Variants in GRM8 observed in about 807,000 individuals in gnomAD.
GRM8 encodes metabotropic glutamate receptor 8.
A neutral mutation model predicts 87.2 loss-of-function variants in GRM8; 47 were observed. That is an observed-to-expected ratio of 0.54 (90% CI 0.43 to 0.69). The LOEUF is 0.69. Among genes scored for constraint, GRM8 ranks in the 30% least tolerant of loss-of-function variants. The probability of loss-of-function intolerance (pLI) is 0.00; values close to 1 mark genes in which losing one functional copy is unlikely to be tolerated. For synonymous variants in GRM8, 396 were observed against 404.5 expected (o/e 0.98, Z 0.25); for missense variants, 1,019 against 1,139.2 (o/e 0.89, Z 1.52).
chr7:127,018,862 C>T (rs892017307), intron 3 of GRM8, among the ~76,000 whole-genome samples: 2 of 151,930 alleles, frequency 1.3e-5, no homozygotes, highest in Admixed American at 6.6e-5. Flanking sequence ...GAAAAACAGA[C>T]GACACTAGAG....
chr7:126,619,109 G>T (rs1375333040), intron 7 of GRM8, among the ~76,000 whole-genome samples: 1 of 152,190 alleles, frequency 6.6e-6, no homozygotes, highest in Non-Finnish European at 1.5e-5. Context: ...CAGTAGCAAA[G>T]ACTTGGAACT....
chr7:127,078,329 T>C (rs188162688), intron 3 of GRM8, among the ~76,000 whole-genome samples: 1 of 152,336 alleles, frequency 6.6e-6, no homozygotes, highest in East Asian at 1.9e-4. Context: ...TGTTAGACCA[T>C]AGCCGCTTAG....
intron 6 of GRM8, among the ~76,000 whole-genome samples, chr7:126,894,428 C>A (rs1324551793): frequency 1.3e-5 from 2 of 152,030 alleles, no homozygotes; most frequent in Non-Finnish European, 2.9e-5. Flanking sequence ...ATAATGCCAG[C>A]TTCTGTTGTG....
Position 126,999,361 on chromosome 7 carries a change from A to G in GRM8, c.728-94678T>C, listed in dbSNP as rs111414857. 8.3e-3 allele frequency among the ~76,000 whole-genome samples: 1,265 copies of G among 152,048 alleles called. 6 individuals carry two copies. The highest frequency in any genetic ancestry group is 0.014 in the Middle Eastern group (4 of 294). On this transcript the variant is annotated intron_variant, in intron 3 of 10. Transcript: ENST00000339582. ...ATTTTTTGAATAATACTGCACAAGC[A>G]CAGGCAACCAAAGCAAAAATGGGCA...
chr7:126,679,360 C>T (rs1306479383), intron 7 of GRM8, among the ~76,000 whole-genome samples: 6 of 152,162 alleles, frequency 3.9e-5, no homozygotes, highest in African/African-American at 1.4e-4. Context: ...CTAGAATTTC[C>T]TCTGATATAA....
At chr7:126,561,674 G>A (rs942538471) in intron 8 of GRM8, among the ~76,000 whole-genome samples, 2 of 151,038 alleles carry the variant, frequency 1.3e-5, no homozygotes, top group South Asian at 2.1e-4. Flanking sequence ...TGTGCACAAC[G>A]TGCAGGTTTG....
At chr7:126,604,510 C>T (rs1040848182) in intron 8 of GRM8, among the ~76,000 whole-genome samples, 3 of 152,094 alleles carry the variant, frequency 2.0e-5, no homozygotes, top group Non-Finnish European at 4.4e-5. Context: ...ATTATTATCA[C>T]ATTCGTTCAA....
chr7:126,677,796 T>A (rs961050745), intron 7 of GRM8, among the ~76,000 whole-genome samples: 3 of 152,184 alleles, frequency 2.0e-5, no homozygotes, highest in Non-Finnish European at 4.4e-5. Context: ...TTCACCACTA[T>A]ACAGTTCATC....
chr7:127,009,249 GA>G (rs956190910), intron 3 of GRM8, among the ~76,000 whole-genome samples: 7 of 152,040 alleles, frequency 4.6e-5, no homozygotes, highest in African/African-American at 1.7e-4. Flanking sequence ...AACATTAAGA[GA>G]ACCAGTCCAA....
chr7:127,160,535 G>GCGCGCA (rs1554603506), intron 2 of GRM8, among the ~76,000 whole-genome samples: 64 of 140,420 alleles, frequency 4.6e-4, no homozygotes, highest in African/African-American at 1.4e-3. Flanking sequence ...TCACGCGCGC[G>GCGCGCA]CACACACACA....
intron 2 of GRM8, among the ~76,000 whole-genome samples, chr7:127,153,272 T>C (rs1282073309): frequency 6.6e-6 from 1 of 152,116 alleles, no homozygotes; most frequent in African/African-American, 2.4e-5. Context: ...CCAAGTGCTA[T>C]ACCAAGCTAG....
chr7:126,956,876 A>C (rs1009196755), intron 3 of GRM8, among the ~76,000 whole-genome samples: 3 of 152,252 alleles, frequency 2.0e-5, no homozygotes, highest in Admixed American at 2.0e-4. Context: ...CTGATAATGG[A>C]ACATTTCACT....
At chr7:127,108,454 G>A (rs1457461947) in intron 2 of GRM8, among the ~76,000 whole-genome samples, 2 of 152,076 alleles carry the variant, frequency 1.3e-5, no homozygotes, top group Admixed American at 1.3e-4. Flanking sequence ...GTTGTGTGGG[G>A]GGAAGGGAAT....
rs532601196 is a variant in GRM8 at position 126,794,254 on chromosome 7, T to C, written c.1157-24189A>G. Among the ~76,000 whole-genome samples, 29 of 152,270 alleles carry C rather than the reference T, an allele frequency of 1.9e-4. No homozygotes were observed. The East Asian group carries it at 4.8e-3, about 25-fold the overall frequency. ...ACAATCTTGAAAAAAATCTGCCTAT[T>C]AACCTTGTGGAATGCATTCTCACAG... On this transcript the variant is annotated intron_variant, in intron 6 of 10. Transcript: ENST00000339582.
At chr7:126,653,495 AACT>A (rs1486486109) in intron 7 of GRM8, among the ~76,000 whole-genome samples, 14 of 152,332 alleles carry the variant, frequency 9.2e-5, no homozygotes, top group Middle Eastern at 3.4e-3. Flanking sequence ...TAAATAAGGT[AACT>A]ACAACAGAAA....
intron 2 of GRM8, among the ~76,000 whole-genome samples, chr7:127,206,807 G>C (rs1482053043): frequency 6.6e-6 from 1 of 152,160 alleles, no homozygotes; most frequent in Non-Finnish European, 1.5e-5. Flanking sequence ...ATTGTCAGCA[G>C]GAAATTCAAC....
intron 2 of GRM8, among the ~76,000 whole-genome samples, chr7:127,181,850 G>A (rs1214428041): frequency 6.6e-5 from 10 of 151,948 alleles, no homozygotes; most frequent in Non-Finnish European, 1.0e-4. Context: ...AACTCAAGAC[G>A]GATTAAGGAC....
chr7:127,017,029 G>C (rs1258181127), intron 3 of GRM8, among the ~76,000 whole-genome samples: 1 of 151,926 alleles, frequency 6.6e-6, no homozygotes, highest in East Asian at 1.9e-4. Flanking sequence ...ACTTTCCTAA[G>C]TTTCATACCT....
intron 6 of GRM8, among the ~76,000 whole-genome samples, chr7:126,806,185 C>T (rs534188837): frequency 5.3e-5 from 8 of 152,224 alleles, no homozygotes; most frequent in East Asian, 1.9e-4. Context: ...TTATTCCTTC[C>T]GGTGGGTTCG....
Sources: gnomAD v4.1 joint callset for allele counts (sites outside exome capture counted in the v4.1 genomes callset) on GRCh38, gnomAD v4.1.1 for gene constraint, MANE v1.5 for transcripts, NCBI Gene and HGNC (gene_info 2026-07-23, HGNC 2026-07-21) for gene names.